Variants in SDCCAG8 observed in about 807,000 individuals in gnomAD.
SDCCAG8 encodes serologically defined colon cancer antigen 8.
SDCCAG8 carries 74 observed loss-of-function variants against 101.8 expected under a neutral mutation model. That is an observed-to-expected ratio of 0.73 (90% CI 0.60 to 0.88). SDCCAG8 has a LOEUF of 0.88. Among genes scored for constraint, SDCCAG8 ranks in the 40% least tolerant of loss-of-function variants. The probability of loss-of-function intolerance (pLI) is 0.00; values close to 1 mark genes in which losing one functional copy is unlikely to be tolerated. For missense variants in SDCCAG8, 787 were observed against 822.6 expected, an observed-to-expected ratio of 0.96 and a Z score of 0.53; for synonymous variants, 281 against 292.9, an observed-to-expected ratio of 0.96 and a Z score of 0.41.
Position 243,295,201 on chromosome 1 carries a change from G to A in SDCCAG8, c.675+1982G>A, listed in dbSNP as rs1284817739. ...CACAATTTGCGTCAAACTAATGTTC[G>A]AACTAGTTTCACACTCTTCTCCTGT... is the stretch of plus-strand genomic sequence containing the variant. On this transcript the variant is annotated intron_variant, in intron 6 of 17. Transcript: ENST00000366541. Among the ~76,000 whole-genome samples, 3 of 151,960 alleles carry A rather than the reference G, an allele frequency of 2.0e-5. No homozygotes were observed. In the East Asian group the frequency reaches 5.8e-4, roughly 29 times the overall value.
intron 16 of SDCCAG8, among the ~76,000 whole-genome samples, chr1:243,485,054 AAAG>A (rs1553378504): frequency 2.7e-4 from 40 of 149,586 alleles, no homozygotes; most frequent in Admixed American, 3.3e-4. Context: ...AAAAAAAAAA[AAAG>A]AAGAAGAAGC....
At chr1:243,470,273 T>TTGCTCCTAA (rs1323833598) in intron 16 of SDCCAG8, among the ~76,000 whole-genome samples, 1 of 152,194 alleles carries the variant, frequency 6.6e-6, no homozygotes, top group Non-Finnish European at 1.5e-5. Context: ...TTTTGGGTTT[T>TTGCTCCTAA]TGCTCCTAAA....
intron 16 of SDCCAG8, among the ~76,000 whole-genome samples, chr1:243,433,684 A>C (rs2148065624): frequency 6.6e-6 from 1 of 152,274 alleles, no homozygotes; most frequent in East Asian, 1.9e-4. Flanking sequence ...TATGGTCAAA[A>C]ACTTCCACTG....
chr1:243,482,721 T>A (rs1045867700), intron 16 of SDCCAG8, among the ~76,000 whole-genome samples: 4 of 152,198 alleles, frequency 2.6e-5, no homozygotes, highest in African/African-American at 9.6e-5. Context: ...GGAGGAGGAC[T>A]GGCTTCCTGC....
intron 13 of SDCCAG8, among the ~76,000 whole-genome samples, chr1:243,392,471 T>C (rs1196411223): frequency 1.3e-5 from 2 of 152,218 alleles, no homozygotes; most frequent in Non-Finnish European, 2.9e-5. Flanking sequence ...TTTGTTACAG[T>C]GATGGCAGTT....
chr1:243,419,928 C>T (rs754958330), intron 15 of SDCCAG8, among the ~76,000 whole-genome samples: 1 of 152,202 alleles, frequency 6.6e-6, no homozygotes, highest in Non-Finnish European at 1.5e-5. Context: ...TAACTCAGAA[C>T]CTCTATTGCT....
In SDCCAG8 at chr1:243,410,366, G is replaced by A. The variant is rs376938383; in HGVS notation, c.1617-5336G>A. ...TACATTTTCTGTCTAAACTCACATC[G>A]GTACCCAGCACCTCCCTGCCCCTTC... On this transcript the variant is annotated intron_variant, in intron 13 of 17. Coordinates refer to ENST00000366541, the MANE Select transcript of SDCCAG8 (RefSeq NM_006642.5). Among the ~76,000 whole-genome samples, 31 of 152,186 alleles carry A rather than the reference G, an allele frequency of 2.0e-4. 1 individual carries two copies. The highest frequency in any genetic ancestry group is 6.5e-4 in the Admixed American group (10 of 15,276).
chr1:243,451,844 G>A (rs147713823), intron 16 of SDCCAG8, among the ~76,000 whole-genome samples: 7 of 152,290 alleles, frequency 4.6e-5, no homozygotes, highest in Middle Eastern at 6.8e-3. Context: ...TGGGAGGATC[G>A]TTTGAGCCCA....
intron 16 of SDCCAG8, among the ~76,000 whole-genome samples, chr1:243,461,023 G>C (rs1250178698): frequency 1.3e-5 from 2 of 152,110 alleles, no homozygotes; most frequent in Non-Finnish European, 2.9e-5. Flanking sequence ...TTTTTTGGCT[G>C]CCTTACGGGT....
chr1:243,335,648 C>T (rs1486341824), intron 10 of SDCCAG8, among the ~76,000 whole-genome samples: 1 of 152,012 alleles, frequency 6.6e-6, no homozygotes, highest in Non-Finnish European at 1.5e-5. Flanking sequence ...TTATTTTTAA[C>T]TTTTAGATTC....
In SDCCAG8 at chr1:243,311,336, T is replaced by C. The variant is rs183342362; in HGVS notation, c.929+3159T>C. 1.6e-3 allele frequency among the ~76,000 whole-genome samples: 239 copies of C among 152,208 alleles called. 3 individuals are homozygous for C. Among genetic ancestry groups the C allele is most frequent in the African/African-American group, 5.4e-3 (225 of 41,532 alleles). ...AAAGATAAATCTAGTATGAAACCTT[T>C]TGTATTTTTTAAGTCCATATACAAC... On this transcript the variant is annotated intron_variant, in intron 8 of 17. Coordinates refer to ENST00000366541, the MANE Select transcript of SDCCAG8 (RefSeq NM_006642.5).
chr1:243,262,039 A>T, intron 1 of SDCCAG8, among the ~76,000 whole-genome samples: 1 of 150,434 alleles, frequency 6.6e-6, no homozygotes. Context: ...CAAACTCCCA[A>T]CCTCAGGTGA....
intron 16 of SDCCAG8, among the ~76,000 whole-genome samples, chr1:243,452,615 T>C (rs1574125883): frequency 6.6e-6 from 1 of 151,750 alleles, no homozygotes; most frequent in African/African-American, 2.4e-5. Flanking sequence ...ATTTTAGAAA[T>C]GGGGTCCCAC....
chr1:243,381,640 T>C (rs1025807659), intron 13 of SDCCAG8, among the ~76,000 whole-genome samples: 1 of 151,848 alleles, frequency 6.6e-6, no homozygotes, highest in African/African-American at 2.4e-5. Flanking sequence ...AGGACCCAAA[T>C]GGGTGAGTGT....
chr1:243,444,578 C>T (rs1409770877), intron 16 of SDCCAG8, among the ~76,000 whole-genome samples: 3 of 151,986 alleles, frequency 2.0e-5, no homozygotes, highest in Non-Finnish European at 4.4e-5. Context: ...CACCATGTTG[C>T]CCAGGCTGGT....
At chr1:243,492,604 G>GT (rs74162289) in intron 17 of SDCCAG8, among the ~76,000 whole-genome samples, 11,198 of 58,892 alleles carry the variant, frequency 0.19, 1,366 homozygotes, top group East Asian at 0.36. Context: ...GCGCCCAGCT[G>GT]TTTTTTTTTT....
At chr1:243,495,798 G>A (rs185850132) in intron 17 of SDCCAG8, among the ~76,000 whole-genome samples, 121 of 152,286 alleles carry the variant, frequency 7.9e-4, no homozygotes, top group African/African-American at 2.7e-3. Context: ...CAGAGCTCAC[G>A]TGGCTTATTT....
intron 16 of SDCCAG8, among the ~76,000 whole-genome samples, chr1:243,457,097 AG>A (rs1417624460): frequency 6.6e-6 from 1 of 152,252 alleles, no homozygotes; most frequent in Non-Finnish European, 1.5e-5. Context: ...ATGCTTTCTG[AG>A]GAATCAACAG....
intron 12 of SDCCAG8, among the ~76,000 whole-genome samples, chr1:243,352,821 T>C (rs2076154442): frequency 6.6e-6 from 1 of 152,338 alleles, no homozygotes; most frequent in East Asian, 1.9e-4. Context: ...AAATAGATTC[T>C]AGTTTTGGTT....
Sources: allele counts gnomAD v4.1 joint callset (sites outside exome capture counted in the v4.1 genomes callset), GRCh38; gene constraint gnomAD v4.1.1; transcripts MANE v1.5; gene names NCBI Gene and HGNC (gene_info 2026-07-23, HGNC 2026-07-21).